ZSCAN5A: variants seen among roughly 807,000 people sequenced by gnomAD.
ZSCAN5A encodes zinc finger and SCAN domain-containing protein 5A.
Under a neutral mutation model 23.7 loss-of-function variants are expected in ZSCAN5A, and 12 were observed. That is an observed-to-expected ratio of 0.51 (90% CI 0.32 to 0.82). The LOEUF (loss-of-function observed/expected upper bound fraction) is 0.82. ZSCAN5A is among the 40% of genes least tolerant of loss of function. ZSCAN5A has a pLI of 0.03. For missense variants in ZSCAN5A, 597 were observed against 617.9 expected (o/e 0.97, Z 0.36); for synonymous variants, 257 against 239.9 (o/e 1.07, Z -0.66).
At chr19:56,357,706 A>G (rs2041707825) in intron 2 of ZSCAN5A, among the ~76,000 whole-genome samples, 1 of 148,462 alleles carries the variant, frequency 6.7e-6, no homozygotes, top group African/African-American at 2.5e-5. Flanking sequence ...TAGATTAACA[A>G]GTCTGCAAAA....
intron 2 of ZSCAN5A, among the ~76,000 whole-genome samples, chr19:56,309,081 C>T (rs534909707): frequency 2.6e-5 from 4 of 152,174 alleles, no homozygotes; most frequent in East Asian, 1.9e-4. Flanking sequence ...ATAAACAAAA[C>T]GTAGTGCATT....
chr19:56,355,564 A>G lies in ZSCAN5A; in HGVS notation c.-358+7671T>C, dbSNP rs144381290. Among the ~76,000 whole-genome samples, 200 of 149,202 alleles carry G rather than the reference A, an allele frequency of 1.3e-3. 7 individuals are homozygous for G. The East Asian group carries it at 0.034, about 25-fold the overall frequency. ...AACTAAATTAAAAAATAAAGTAACA[A>G]CAATAGCCCAAGACCAAGCTCTGTA... On this transcript the variant is annotated intron_variant, in intron 2 of 6. Coordinates refer to the ZSCAN5A transcript ENST00000587340.
intron 2 of ZSCAN5A, among the ~76,000 whole-genome samples, chr19:56,255,333 G>T (rs2036622039): frequency 6.6e-6 from 1 of 152,166 alleles, no homozygotes; most frequent in East Asian, 1.9e-4. Flanking sequence ...AGCGCACAAG[G>T]TGGGGAGTGG....
At chr19:56,258,039 C>T (rs4479361) in intron 2 of ZSCAN5A, among the ~76,000 whole-genome samples, 6,755 of 55,292 alleles carry the variant, frequency 0.12, 174 homozygotes, top group African/African-American at 0.41. Flanking sequence ...CACCACTGCC[C>T]GATCTTCTTA....
intron 2 of ZSCAN5A, among the ~76,000 whole-genome samples, chr19:56,343,707 G>A (rs969148106): frequency 2.6e-5 from 4 of 152,190 alleles, no homozygotes; most frequent in East Asian, 1.9e-4. Context: ...CAGGCTGGAC[G>A]TTCCCCACGC....
intron 2 of ZSCAN5A, among the ~76,000 whole-genome samples, chr19:56,301,774 CTGTT>C (rs1455048492): frequency 6.6e-6 from 1 of 152,098 alleles, no homozygotes; most frequent in Non-Finnish European, 1.5e-5. Flanking sequence ...GCATTCCTGA[CTGTT>C]TGTCTGGAGT....
Position 56,221,549 on chromosome 19 carries a change from C to T in ZSCAN5A, c.*26G>A. On this transcript the variant is annotated 3_prime_UTR_variant, in exon 6 of 6. Coordinates refer to ENST00000683990, the MANE Select transcript of ZSCAN5A (RefSeq NM_001322064.3). ...AAATATCATTCACTTCTTCTTGGTGCAGAAGGCATAGACCGGATTATGCAA... is the reference window on the plus strand; with the variant it reads ...AAATATCATTCACTTCTTCTTGGTGTAGAAGGCATAGACCGGATTATGCAA... 2 of 1,549,622 alleles carry T rather than the reference C, an allele frequency of 1.3e-6. No individual in the cohort carries two copies. Among genetic ancestry groups the T allele is most frequent in the Admixed American group, 2.1e-5 (1 of 48,202 alleles).
chr19:56,248,849 G>A (rs2146714685), intron 2 of ZSCAN5A, among the ~76,000 whole-genome samples: 3 of 152,094 alleles, frequency 2.0e-5, no homozygotes, highest in African/African-American at 7.2e-5. Flanking sequence ...CCCCAGCAGA[G>A]CGGTGCACCT....
intron 2 of ZSCAN5A, among the ~76,000 whole-genome samples, chr19:56,344,009 T>C (rs1368906264): frequency 6.6e-6 from 1 of 152,272 alleles, no homozygotes; most frequent in Non-Finnish European, 1.5e-5. Context: ...AATTATCTTA[T>C]GTTAATCACT....
chr19:56,328,450 CCTGACCAACAT>C (rs1235260789), intron 2 of ZSCAN5A, among the ~76,000 whole-genome samples: 3 of 142,944 alleles, frequency 2.1e-5, no homozygotes, highest in Admixed American at 7.0e-5. Flanking sequence ...TTGAGACCAG[CCTGACCAACAT>C]GGTGAAACCC....
At chr19:56,255,931 A>G (rs548674549) in intron 2 of ZSCAN5A, among the ~76,000 whole-genome samples, 2 of 152,342 alleles carry the variant, frequency 1.3e-5, no homozygotes, top group East Asian at 3.9e-4. Context: ...GCCTGTTTCC[A>G]ATCCTGAAGA....
intron 2 of ZSCAN5A, among the ~76,000 whole-genome samples, chr19:56,328,994 CAAA>C (rs61646242): frequency 9.4e-6 from 1 of 106,380 alleles, no homozygotes; most frequent in African/African-American, 3.0e-5. Context: ...GACTCCGTCT[CAAA>C]AAAAAAAAAA....
At chr19:56,258,492 T>G (rs1190485283) in intron 2 of ZSCAN5A, among the ~76,000 whole-genome samples, 5 of 136,166 alleles carry the variant, frequency 3.7e-5, no homozygotes, top group African/African-American at 1.4e-4. Flanking sequence ...CCTTCCAGTG[T>G]GGGGGTGACG....
At chr19:56,267,015 T>C (rs1469837099) in intron 2 of ZSCAN5A, among the ~76,000 whole-genome samples, 2 of 149,490 alleles carry the variant, frequency 1.3e-5, no homozygotes, top group Non-Finnish European at 3.0e-5. Context: ...CCTTCTGCTT[T>C]TTTCTGCCTC....
chr19:56,259,175 C>T (rs2146836026), intron 2 of ZSCAN5A, among the ~76,000 whole-genome samples: 1 of 152,228 alleles, frequency 6.6e-6, no homozygotes, highest in East Asian at 1.9e-4. Flanking sequence ...ATAACTGGAA[C>T]AGCATTGTGT....
chr19:56,288,051 G>A (rs1376826073), intron 2 of ZSCAN5A, among the ~76,000 whole-genome samples: 2 of 152,184 alleles, frequency 1.3e-5, no homozygotes, highest in African/African-American at 4.8e-5. Context: ...AGGAGATGGA[G>A]TGAGTTGCTG....
At chr19:56,353,533 G>A (rs1436282225) in intron 2 of ZSCAN5A, among the ~76,000 whole-genome samples, 1 of 152,170 alleles carries the variant, frequency 6.6e-6, no homozygotes. Flanking sequence ...ATTTTGGGAG[G>A]CCGAGGCGGG....
At chr19:56,281,543 A>G in intron 2 of ZSCAN5A, 1 of 253,364 alleles carries the variant, frequency 3.9e-6, no homozygotes, top group Non-Finnish European at 6.2e-6. Context: ...ATCGCACTCC[A>G]TATAACAACA....
At chr19:56,262,171 C>A (rs2037170214) in intron 2 of ZSCAN5A, among the ~76,000 whole-genome samples, 1 of 151,994 alleles carries the variant, frequency 6.6e-6, no homozygotes, top group Non-Finnish European at 1.5e-5. Context: ...GCGCCTGCCA[C>A]CATGATCGGC....
Sources: allele counts gnomAD v4.1 joint callset (sites outside exome capture counted in the v4.1 genomes callset), GRCh38; gene constraint gnomAD v4.1.1; transcripts MANE v1.5; gene names NCBI Gene and HGNC (gene_info 2026-07-23, HGNC 2026-07-21).